PDGFD: variants seen among roughly 807,000 people sequenced by gnomAD.
The protein encoded by PDGFD is platelet derived growth factor D.
PDGFD carries 30 observed loss-of-function variants against 44.7 expected under a neutral mutation model. That is an observed-to-expected ratio of 0.67 (90% CI 0.50 to 0.91). PDGFD has a LOEUF of 0.91. PDGFD is among the 40% of genes least tolerant of loss of function. The pLI is 0.00. For missense variants in PDGFD, 445 were observed against 457.8 expected (o/e 0.97, Z 0.25); for synonymous variants, 173 against 168.4 (o/e 1.03, Z -0.21).
intron 1 of PDGFD, among the ~76,000 whole-genome samples, chr11:104,139,922 C>T (rs1415896969): frequency 2.8e-5 from 2 of 70,538 alleles, no homozygotes; most frequent in Admixed American, 1.3e-4. Context: ...TAGCCGGGCG[C>T]GGTGGCGGGC....
chr11:104,009,105 G>A (rs1377533304), intron 1 of PDGFD, among the ~76,000 whole-genome samples: 1 of 152,074 alleles, frequency 6.6e-6, no homozygotes, highest in Non-Finnish European at 1.5e-5. Flanking sequence ...GCATTTAAAT[G>A]ATCCTGCTTA....
chr11:104,101,001 A>G (rs946518522), intron 1 of PDGFD, among the ~76,000 whole-genome samples: 4 of 152,330 alleles, frequency 2.6e-5, no homozygotes, highest in African/African-American at 7.2e-5. Context: ...TATCATACTG[A>G]ATGGGCAAAA....
At chr11:103,964,218 A>T (rs1294349695) in intron 3 of PDGFD, among the ~76,000 whole-genome samples, 1 of 152,144 alleles carries the variant, frequency 6.6e-6, no homozygotes, top group Non-Finnish European at 1.5e-5. Flanking sequence ...CTCTGTTATA[A>T]TAATAGCTTG....
chr11:104,083,077 A>G (rs1218085030), intron 1 of PDGFD, among the ~76,000 whole-genome samples: 2 of 152,214 alleles, frequency 1.3e-5, no homozygotes, highest in Non-Finnish European at 2.9e-5. Flanking sequence ...AGGTTGCTAT[A>G]AACCACACAC....
Position 104,042,907 on chromosome 11 carries a change from T to C in PDGFD, c.125-42652A>G, listed in dbSNP as rs375187553. Among the ~76,000 whole-genome samples the C allele has an allele frequency of 2.0e-5, 3 of 152,210 alleles. No individual in the cohort carries two copies. The East Asian group carries it at 5.8e-4, about 29-fold the overall frequency. On this transcript the variant is annotated intron_variant, in intron 1 of 6. Transcript: ENST00000393158. ...ACATATTCTGCCTTTCAAACTTCTGTCATGTCTAAGGATTCAATTAGTCTA... is the reference window on the plus strand; with the variant it reads ...ACATATTCTGCCTTTCAAACTTCTGCCATGTCTAAGGATTCAATTAGTCTA...
Position 103,950,092 on chromosome 11 carries a change from T to C in PDGFD, c.511-2368A>G, listed in dbSNP as rs77605808. Among the ~76,000 whole-genome samples, 197 of 152,286 alleles carry C rather than the reference T, an allele frequency of 1.3e-3. No homozygotes were observed. In the East Asian group the frequency reaches 0.027, roughly 21 times the overall value. ...ACCGCATGAGAGAGAATGGACCACA[T>C]GTGACCTTGAGATATAGATTTGGGA... On this transcript the variant is annotated intron_variant, in intron 3 of 6. Transcript: ENST00000393158.
intron 1 of PDGFD, among the ~76,000 whole-genome samples, chr11:104,108,903 GA>G (rs1861506823): frequency 6.6e-6 from 1 of 152,114 alleles, no homozygotes; most frequent in Non-Finnish European, 1.5e-5. Flanking sequence ...CCTTTGTAGG[GA>G]CATGGATGAA....
chr11:103,993,911 T>C (rs1859495955), intron 3 of PDGFD, among the ~76,000 whole-genome samples: 1 of 152,152 alleles, frequency 6.6e-6, no homozygotes, highest in East Asian at 1.9e-4. Context: ...ACAAGAATGT[T>C]GTAATATCAT....
rs78462845 is a variant in PDGFD, at chr11:104,098,253, A to G, written c.124+65551T>C. ...GAGAAAAGCAAAGATTAGACACCAC[A>G]GCTACCCTGGTTCAACCCCCCTACC... On this transcript the variant is annotated intron_variant, in intron 1 of 6. Coordinates refer to ENST00000393158, the MANE Select transcript of PDGFD (RefSeq NM_025208.5). 7.2e-3 allele frequency among the ~76,000 whole-genome samples: 1,091 copies of G among 152,272 alleles called. 9 individuals are homozygous for G. The highest frequency in any genetic ancestry group is 0.025 in the African/African-American group (1,039 of 41,562).
In PDGFD at chr11:103,975,337, G is replaced by C. The variant is rs527514316; in HGVS notation, c.510+20728C>G. On this transcript the variant is annotated intron_variant, in intron 3 of 6. Transcript: ENST00000393158. ...TCATTGCCCACTTTTTGATGGGGTT[G>C]TTTGTTTTTTTCCTTGTAAATTTGT... 2.6e-5 allele frequency among the ~76,000 whole-genome samples: 4 copies of C among 152,226 alleles called. No homozygotes were observed. In the South Asian group the frequency reaches 8.3e-4, roughly 32 times the overall value.
intron 1 of PDGFD, among the ~76,000 whole-genome samples, chr11:104,100,036 A>AT (rs939208874): frequency 1.3e-5 from 2 of 151,952 alleles, no homozygotes; most frequent in African/African-American, 4.8e-5. Context: ...ATGAAGAGCA[A>AT]TTTTTTTTAA....
chr11:104,087,826 T>C (rs1476530363), intron 1 of PDGFD, among the ~76,000 whole-genome samples: 1 of 152,214 alleles, frequency 6.6e-6, no homozygotes, highest in Non-Finnish European at 1.5e-5. Context: ...TAAAAAGGCC[T>C]AGAGCATTTT....
At chr11:104,118,431 T>C (rs1861673870) in intron 1 of PDGFD, among the ~76,000 whole-genome samples, 1 of 151,830 alleles carries the variant, frequency 6.6e-6, no homozygotes, top group Non-Finnish European at 1.5e-5. Flanking sequence ...AGCATACAGC[T>C]GTGAGAAATA....
intron 1 of PDGFD, among the ~76,000 whole-genome samples, chr11:104,016,503 C>A (rs897930593): frequency 6.6e-6 from 1 of 152,226 alleles, no homozygotes; most frequent in Non-Finnish European, 1.5e-5. Context: ...AACAGACTTA[C>A]CAAGACTGGC....
intron 5 of PDGFD, among the ~76,000 whole-genome samples, chr11:103,928,489 G>A (rs918147552): frequency 6.6e-6 from 1 of 152,196 alleles, no homozygotes; most frequent in African/African-American, 2.4e-5. Flanking sequence ...CAAAAGTCAA[G>A]GACAGTGTCA....
chr11:103,982,226 G>C (rs113062544), intron 3 of PDGFD, among the ~76,000 whole-genome samples: 205 of 151,708 alleles, frequency 1.4e-3, no homozygotes, highest in African/African-American at 4.7e-3. Flanking sequence ...CATAAATGAT[G>C]GTCTCTTTAT....
At chr11:103,913,606 G>A (rs893522802) in intron 6 of PDGFD, among the ~76,000 whole-genome samples, 94 of 152,080 alleles carry the variant, frequency 6.2e-4, no homozygotes, top group Non-Finnish European at 1.2e-3. Flanking sequence ...AGAAGAAAGA[G>A]CAAACAAATT....
intron 1 of PDGFD, among the ~76,000 whole-genome samples, chr11:104,129,083 G>A (rs1303682116): frequency 1.3e-5 from 2 of 152,048 alleles, no homozygotes; most frequent in East Asian, 3.9e-4. Flanking sequence ...AACTGGAAAC[G>A]CACATAGAAT....
Position 103,984,897 on chromosome 11 carries a change from ATAT to A in PDGFD, c.510+11165_510+11167del, listed in dbSNP as rs1306313716. On this transcript the variant is annotated intron_variant, in intron 3 of 6. Coordinates refer to ENST00000393158, the MANE Select transcript of PDGFD (RefSeq NM_025208.5). Reference sequence around the variant, plus strand: ...TATAGTTATATTTATTTACTATATAATATATTAATTTATTTAATATATTTATAT... The same window carrying A: ...TATAGTTATATTTATTTACTATATAAATTAATTTATTTAATATATTTATAT... Among the ~76,000 whole-genome samples, 3 of 140,160 alleles carry A rather than the reference ATAT, an allele frequency of 2.1e-5. No individual in the cohort carries two copies. In the Admixed American group the frequency reaches 2.2e-4, roughly 10 times the overall value. The allele number at this position is 140,160 out of a possible 152,430, so 92.0% of individuals were successfully genotyped here.
Sources: allele counts gnomAD v4.1 joint callset (sites outside exome capture counted in the v4.1 genomes callset), GRCh38; gene constraint gnomAD v4.1.1; transcripts MANE v1.5; gene names NCBI Gene and HGNC (gene_info 2026-07-23, HGNC 2026-07-21).